Variants in ZBTB37 observed in about 807,000 individuals in gnomAD.
ZBTB37 encodes the protein zinc finger and BTB domain containing 37.
A neutral mutation model predicts 37.7 loss-of-function variants in ZBTB37; 15 were observed. The ratio of observed to expected loss-of-function variants is 0.40; its 90% CI spans 0.27 to 0.61. ZBTB37 has a LOEUF of 0.61. Among genes scored for constraint, ZBTB37 ranks in the 20% least tolerant of loss-of-function variants. The pLI is 0.44. For missense variants in ZBTB37, 514 were observed against 641.9 expected (o/e 0.80, Z 2.15); for synonymous variants, 231 against 220.6 (o/e 1.05, Z -0.42).
chr1:173,869,253 G>A (rs770261546), intron 2 of ZBTB37, 133 bp downstream of exon 2: 1 of 152,228 alleles, frequency 6.6e-6, no homozygotes, highest in African/African-American at 2.4e-5. Flanking sequence ...GTGTAACTAT[G>A]TAATATATAG....
At chr1:173,895,837 CTG>C (rs1199442337) in exon 4 of ZBTB37, 2 of 152,302 alleles carry the variant, frequency 1.3e-5, no homozygotes, top group Non-Finnish European at 2.9e-5. Context: ...TCTTACTAGA[CTG>C]TTCCTGCTCT....
At chr1:173,873,507 C>G (rs758099633) in exon 4 of ZBTB37, 38 of 1,613,612 alleles carry the variant, frequency 2.4e-5, no homozygotes, top group Non-Finnish European at 2.5e-5. Flanking sequence ...GACAGAGAGA[C>G]ACAGAGCCAG....
exon 5 of ZBTB37, chr1:173,885,821 C>T (rs1216062644): frequency 7.1e-6 from 11 of 1,551,814 alleles, no homozygotes; most frequent in Non-Finnish European, 8.7e-6. Flanking sequence ...CATTCGTCTG[C>T]CGCATGTGTG....
At chr1:173,886,071 G>C (rs967254746) in exon 5 of ZBTB37, 4 of 1,551,720 alleles carry the variant, frequency 2.6e-6, no homozygotes, top group Non-Finnish European at 3.5e-6. Context: ...GGAAGAGACA[G>C]TTGCTCCTGG....
chr1:173,901,865 T>C (rs952394609), exon 4 of ZBTB37: 3 of 152,230 alleles, frequency 2.0e-5, no homozygotes, highest in African/African-American at 7.2e-5. Flanking sequence ...TTGATTTCCT[T>C]CAGATGGACA....
chr1:173,880,227 A>G (rs1047760845), intron 4 of ZBTB37, among the ~76,000 whole-genome samples: 1 of 152,226 alleles, frequency 6.6e-6, no homozygotes, highest in African/African-American at 2.4e-5. Flanking sequence ...AAGTAATTCT[A>G]AGTAACTAAG....
exon 4 of ZBTB37, chr1:173,899,802 T>C (rs1657190229): frequency 6.6e-6 from 1 of 152,322 alleles, no homozygotes; most frequent in South Asian, 2.1e-4. Flanking sequence ...TGCATGGCTC[T>C]CAATTCAAAG....
rs766985897 is a variant in ZBTB37 at position 173,885,683 on chromosome 1, C to T, written c.1071C>T (p.Leu357=). ...GAGTAAGTGGCTATGTGGAGTATCT[C>T]CGAGAGCAGGAAGTATCTGAGCGGT... The change falls in exon 5 of 5, where the codon CTC becomes CTT. Residue 357 remains leucine, a synonymous_variant. Transcript: ENST00000427304. 34 of 1,552,052 alleles carry T rather than the reference C, an allele frequency of 2.2e-5. No homozygotes were observed. The South Asian group carries it at 3.9e-4, about 18-fold the overall frequency.
chr1:173,870,626 T>C (rs1322705830), exon 3 of ZBTB37: 3 of 1,614,118 alleles, frequency 1.9e-6, no homozygotes, highest in Non-Finnish European at 1.7e-6. Context: ...GTGGCTGAGG[T>C]TGAAGCAGAA....
At position 173,870,316 on chromosome 1, in the gene ZBTB37, C is replaced by T. The variant is rs1485692234; in HGVS notation, c.91C>T (p.Leu31Phe). ...AAACCAGTTGCGCATGCAGGGCCGT[C>T]TCTGTGATATTGTGGTCAATGTGCA... Residue 31 changes from leucine (L) to phenylalanine (F), a missense_variant, in exon 3 of 5, where the codon CTC becomes TTC. By Grantham distance (22) the Leu-to-Phe change is conservative. Transcript: ENST00000427304. 3 of 1,614,096 alleles carry T rather than the reference C, an allele frequency of 1.9e-6. No homozygotes were observed. In the African/African-American group the frequency reaches 4.0e-5, roughly 22 times the overall value.
intron 4 of ZBTB37, among the ~76,000 whole-genome samples, chr1:173,883,589 T>C (rs1165746664): frequency 2.6e-5 from 4 of 152,268 alleles, no homozygotes; most frequent in South Asian, 2.1e-4. Context: ...AGAGAAGTTA[T>C]TCTGTTTTGT....
chr1:173,870,850 G>A (rs1016381125), exon 3 of ZBTB37: 14 of 1,614,252 alleles, frequency 8.7e-6, no homozygotes, highest in Non-Finnish European at 1.2e-5. Flanking sequence ...AGAGAGCCGG[G>A]AGCCCATTCT....
Position 173,870,213 on chromosome 1 carries a change from C to G in ZBTB37, c.-13C>G, listed in dbSNP as rs780696719. The G allele has an allele frequency of 2.5e-6, 4 of 1,593,620 alleles. No homozygotes were observed. In the South Asian group the frequency reaches 4.5e-5, roughly 18 times the overall value. On this transcript the variant is annotated 5_prime_UTR_variant, in exon 3 of 5. Coordinates refer to ENST00000427304, the Ensembl canonical transcript of ZBTB37. The stretch of plus-strand genomic sequence containing the variant: ...TTTTTTCAGCAGGGTTGAATGCACC[C>G]TCAGGCACGACCATGGAGAAAGGTG...
rs547771648 is a variant in ZBTB37, at chr1:173,884,250, C to G, written c.1024-1386C>G. ...TATTGCAGCCTTGGCTTCCCAGGCT[C>G]AAATGATCCTCACACCTCAGCCTTC... On this transcript the variant is annotated intron_variant, in intron 4 of 4. Coordinates refer to ENST00000427304, the Ensembl canonical transcript of ZBTB37. Among the ~76,000 whole-genome samples, 10 of 151,504 alleles carry G rather than the reference C, an allele frequency of 6.6e-5. No individual in the cohort carries two copies. The East Asian group carries it at 1.9e-3, about 29-fold the overall frequency.
exon 4 of ZBTB37, chr1:173,901,156 A>G (rs1657243559): frequency 6.7e-6 from 1 of 149,460 alleles, no homozygotes. Context: ...AATCCTTTCT[A>G]AGACAGCAAA....
chr1:173,889,602 A>G (rs1231846772), downstream of ZBTB37: 5 of 152,214 alleles, frequency 3.3e-5, no homozygotes, highest in African/African-American at 9.6e-5. Flanking sequence ...TCTGAACTCT[A>G]ATACCAGTAT....
intron 3 of ZBTB37, 144 bp downstream of exon 3, chr1:173,871,292 A>G (rs938473708): frequency 2.5e-6 from 2 of 794,574 alleles, no homozygotes; most frequent in South Asian, 1.9e-5. Context: ...GAGGTGTGCC[A>G]AAAGACTTGC....
At chr1:173,893,737 T>C (rs1337618711) in exon 4 of ZBTB37, 2 of 152,252 alleles carry the variant, frequency 1.3e-5, no homozygotes, top group African/African-American at 4.8e-5. Context: ...GATTAACTCA[T>C]CTAATCCTTA....
intron 4 of ZBTB37, among the ~76,000 whole-genome samples, chr1:173,876,758 G>C (rs992929541): frequency 6.6e-6 from 1 of 152,064 alleles, no homozygotes; most frequent in Non-Finnish European, 1.5e-5. Context: ...ATATTATTAG[G>C]GCCCTTTTTC....
Sources: gnomAD v4.1 joint callset for allele counts (sites outside exome capture counted in the v4.1 genomes callset) on GRCh38, gnomAD v4.1.1 for gene constraint, MANE v1.5 for transcripts, NCBI Gene and HGNC (gene_info 2026-07-23, HGNC 2026-07-21) for gene names.